The following HS6ST3 variants were observed in gnomAD, a reference collection of about 807,000 sequenced individuals.
The protein encoded by HS6ST3 is heparan sulfate 6-O-sulfotransferase 3.
In HS6ST3, 12 loss-of-function variants were observed where a neutral mutation model predicts 36.7. The ratio of observed to expected loss-of-function variants is 0.33; its 90% CI spans 0.21 to 0.53. The LOEUF (loss-of-function observed/expected upper bound fraction) is 0.53, where lower values mean the gene tolerates loss of function less well. Among genes scored for constraint, HS6ST3 ranks in the 20% least tolerant of loss-of-function variants. The probability of loss-of-function intolerance (pLI) is 0.95; values close to 1 mark genes in which losing one functional copy is unlikely to be tolerated. For missense variants in HS6ST3, 584 were observed against 640.9 expected (o/e 0.91, Z 0.96); for synonymous variants, 240 against 257.5 (o/e 0.93, Z 0.65).
intron 1 of HS6ST3, among the ~76,000 whole-genome samples, chr13:96,145,412 G>T (rs910655239): frequency 5.9e-5 from 9 of 152,076 alleles, no homozygotes; most frequent in African/African-American, 2.2e-4. Flanking sequence ...CAGTGATGAT[G>T]AGCATTTTTT....
At chr13:96,792,365 T>TA (rs1322506460) in intron 1 of HS6ST3, among the ~76,000 whole-genome samples, 16 of 152,022 alleles carry the variant, frequency 1.1e-4, no homozygotes, top group Admixed American at 5.9e-4. Flanking sequence ...TGAAAAAAAC[T>TA]AAATTTTGAG....
At chr13:96,706,260 T>C (rs1319185105) in intron 1 of HS6ST3, among the ~76,000 whole-genome samples, 1 of 151,892 alleles carries the variant, frequency 6.6e-6, no homozygotes, top group Non-Finnish European at 1.5e-5. Context: ...GTGTTTGAGA[T>C]TCTGTGTTAC....
In HS6ST3 at chr13:96,835,604, G is replaced by GACACACACACACACACACACAC. The variant is rs113563720; in HGVS notation, c.*2416_*2437dup. The GACACACACACACACACACACAC allele has an allele frequency of 7.7e-4, 114 of 148,656 alleles. No individual in the cohort carries two copies. The highest frequency in any genetic ancestry group is 2.8e-3 in the African/African-American group (112 of 40,008). 9.2% of individuals were successfully genotyped at this position (148,656 alleles called of 1,614,324 possible). On this transcript the variant is annotated 3_prime_UTR_variant, in exon 2 of 2. Coordinates refer to ENST00000376705, the MANE Select transcript of HS6ST3 (RefSeq NM_153456.4). ...AAATTATCCTTCTGCCTGCCCCTGT[G>GACACACACACACACACACACAC]ACACACACACACACACACACACACA...
chr13:96,435,550 T>G (rs1365911908), intron 1 of HS6ST3, among the ~76,000 whole-genome samples: 1 of 152,158 alleles, frequency 6.6e-6, no homozygotes, highest in Non-Finnish European at 1.5e-5. Context: ...ACAAATAACT[T>G]AGGGCCATTA....
chr13:96,317,461 A>G, intron 1 of HS6ST3, among the ~76,000 whole-genome samples: 1 of 148,078 alleles, frequency 6.8e-6, no homozygotes, highest in East Asian at 2.0e-4. Flanking sequence ...TATCCAGTCC[A>G]CTATTGATGG....
chr13:96,813,044 C>G (rs1229801789), intron 1 of HS6ST3, among the ~76,000 whole-genome samples: 1 of 152,146 alleles, frequency 6.6e-6, no homozygotes, highest in Non-Finnish European at 1.5e-5. Flanking sequence ...GCACTCTCTG[C>G]CCTCTAATCC....
chr13:96,091,309 G>C lies in HS6ST3; in HGVS notation c.447G>C (p.Val149=). The change falls in exon 1 of 2, where the codon GTG becomes GTC. Residue 149 remains valine (V), a synonymous_variant. Coordinates refer to ENST00000376705, the MANE Select transcript of HS6ST3 (RefSeq NM_153456.4). ...ACATCAAAGGGCGCGACGTGATCGTGTTCCTCCACATCCAGAAGACGGGGG... is the reference window on the plus strand; with the variant it reads ...ACATCAAAGGGCGCGACGTGATCGTCTTCCTCCACATCCAGAAGACGGGGG... The part of the protein sequence containing the change: ...DFNIKGRDVI[V]FLHIQKTGGT... The C allele has an allele frequency of 6.2e-7, 1 of 1,613,950 alleles. No individual in the cohort carries two copies.
intron 1 of HS6ST3, among the ~76,000 whole-genome samples, chr13:96,341,736 A>C (rs2055131356): frequency 6.6e-6 from 1 of 152,168 alleles, no homozygotes; most frequent in Non-Finnish European, 1.5e-5. Context: ...ACATTTTTAT[A>C]ACAAAACATA....
At chr13:96,757,041 A>C (rs1407184774) in intron 1 of HS6ST3, among the ~76,000 whole-genome samples, 2 of 152,210 alleles carry the variant, frequency 1.3e-5, no homozygotes, top group Non-Finnish European at 2.9e-5. Context: ...ATCTAGAGGC[A>C]TACCTAGGGA....
At chr13:96,807,267 G>C (rs567888052) in intron 1 of HS6ST3, among the ~76,000 whole-genome samples, 1 of 152,302 alleles carries the variant, frequency 6.6e-6, no homozygotes, top group African/African-American at 2.4e-5. Flanking sequence ...TTGAGTCACT[G>C]TCCTCCTGTT....
At chr13:96,636,693 T>C (rs181558337) in intron 1 of HS6ST3, among the ~76,000 whole-genome samples, 1 of 152,270 alleles carries the variant, frequency 6.6e-6, no homozygotes, top group Non-Finnish European at 1.5e-5. Flanking sequence ...AAACTCAGAA[T>C]ATGGAATTGA....
chr13:96,502,942 G>C (rs751950465), intron 1 of HS6ST3, among the ~76,000 whole-genome samples: 1 of 152,116 alleles, frequency 6.6e-6, no homozygotes, highest in African/African-American at 2.4e-5. Flanking sequence ...ACTGGTGTGC[G>C]CTTCCATCTG....
chr13:96,188,407 G>A (rs1197829718), intron 1 of HS6ST3, among the ~76,000 whole-genome samples: 1 of 151,406 alleles, frequency 6.6e-6, no homozygotes, highest in African/African-American at 2.4e-5. Context: ...TTGAGGCCAG[G>A]AGTTCAAGAT....
At chr13:96,661,844 T>C (rs978043662) in intron 1 of HS6ST3, among the ~76,000 whole-genome samples, 20 of 152,186 alleles carry the variant, frequency 1.3e-4, no homozygotes, top group African/African-American at 4.3e-4. Context: ...ATTTATCTTT[T>C]ATTTTTGAAG....
chr13:96,102,774 G>A (rs929032532), intron 1 of HS6ST3, among the ~76,000 whole-genome samples: 36 of 152,182 alleles, frequency 2.4e-4, no homozygotes, highest in Admixed American at 2.3e-3. Flanking sequence ...TAGGTCTGTA[G>A]TAGTGCTGTC....
rs1491180070 is a variant in HS6ST3 at position 96,765,587 on chromosome 13, T to TC, written c.708-66903_708-66902insC. Among the ~76,000 whole-genome samples, 884 of 114,030 alleles carry TC rather than the reference T, an allele frequency of 7.8e-3. 6 individuals are homozygous for TC. Among genetic ancestry groups the TC allele is most frequent in the Middle Eastern group, 0.017 (4 of 238 alleles). The allele number at this position is 114,030 out of a possible 152,430, so 74.8% of individuals were successfully genotyped here. On this transcript the variant is annotated intron_variant, in intron 1 of 1. Coordinates refer to ENST00000376705, the MANE Select transcript of HS6ST3 (RefSeq NM_153456.4). ...AACAGAGATGTATGCGCTCTCTCTC[T>TC]TTCTCTCTCTCTCTCTCTCTCTCTC...
At chr13:96,737,857 C>T (rs1876327275) in intron 1 of HS6ST3, among the ~76,000 whole-genome samples, 1 of 152,116 alleles carries the variant, frequency 6.6e-6, no homozygotes, top group Non-Finnish European at 1.5e-5. Flanking sequence ...CCCCTCCCAT[C>T]TTCAAGCCAG....
intron 1 of HS6ST3, among the ~76,000 whole-genome samples, chr13:96,193,264 G>A (rs1442209118): frequency 1.3e-5 from 2 of 152,166 alleles, no homozygotes; most frequent in Non-Finnish European, 2.9e-5. Context: ...TGCTGGAGTA[G>A]CATCATCTTC....
At chr13:96,623,919 T>C (rs886942414) in intron 1 of HS6ST3, among the ~76,000 whole-genome samples, 2 of 152,198 alleles carry the variant, frequency 1.3e-5, no homozygotes, top group East Asian at 1.9e-4. Flanking sequence ...TTTTCCATGA[T>C]AGGAAACAGC....
Sources: gnomAD v4.1 joint callset for allele counts (sites outside exome capture counted in the v4.1 genomes callset) on GRCh38, gnomAD v4.1.1 for gene constraint, MANE v1.5 for transcripts, NCBI Gene and HGNC (gene_info 2026-07-23, HGNC 2026-07-21) for gene names.